The following SNCAIP variants were observed in gnomAD, a reference collection of about 807,000 sequenced individuals.
The protein encoded by SNCAIP is synuclein alpha interacting protein.
In SNCAIP, 43 loss-of-function variants were observed where a neutral mutation model predicts 86.7. The observed-to-expected ratio is 0.50, with a 90% CI of 0.39 to 0.64. SNCAIP has a LOEUF of 0.64. SNCAIP is among the 30% of genes least tolerant of loss of function. The pLI, the probability that SNCAIP is intolerant of heterozygous loss-of-function variation, is 0.00. For synonymous variants in SNCAIP, 417 were observed against 427.2 expected, an observed-to-expected ratio of 0.98 and a Z score of 0.29; for missense variants, 981 against 1,103.1, an observed-to-expected ratio of 0.89 and a Z score of 1.57.
rs536966644 is a variant in SNCAIP at position 122,405,783 on chromosome 5, A to G, written c.130+1918A>G. Among the ~76,000 whole-genome samples, 6 of 152,376 alleles carry G rather than the reference A, an allele frequency of 3.9e-5. No individual in the cohort carries two copies. In the South Asian group the frequency reaches 1.2e-3, roughly 32 times the overall value. On this transcript the variant is annotated intron_variant, in intron 3 of 10. Transcript: ENST00000261368. ...CTCTTACCAAGTTAAGTGAATAAAC[A>G]GAAACTTTTAGTTTTTCCCAGGGCT...
chr5:122,434,438 C>A (rs759100159), intron 6 of SNCAIP, among the ~76,000 whole-genome samples: 9 of 152,078 alleles, frequency 5.9e-5, no homozygotes, highest in Admixed American at 2.6e-4. Flanking sequence ...TGGGACTGAA[C>A]AAAATAAAGT....
chr5:122,322,351 T>A lies in SNCAIP; in HGVS notation c.-47+10067T>A, dbSNP rs370934578. 2.3e-3 allele frequency among the ~76,000 whole-genome samples: 348 copies of A among 152,328 alleles called. 3 individuals carry two copies. The highest frequency in any genetic ancestry group is 3.3e-3 in the Non-Finnish European group (222 of 68,026). On this transcript the variant is annotated intron_variant, in intron 1 of 10. Transcript: ENST00000261368. Reference sequence around the variant, plus strand: ...AAAGATTGGTACTTCCATAAAACCATACTAACCACATATTCAAATAAATTC... The same window carrying A: ...AAAGATTGGTACTTCCATAAAACCAAACTAACCACATATTCAAATAAATTC...
At chr5:122,318,387 C>T (rs930133907) in intron 1 of SNCAIP, among the ~76,000 whole-genome samples, 7 of 152,250 alleles carry the variant, frequency 4.6e-5, no homozygotes, top group Admixed American at 2.0e-4. Context: ...TCCTGTGGTA[C>T]GTATGGCGTT....
At chr5:122,455,910 T>A (rs1784638603) in intron 10 of SNCAIP, among the ~76,000 whole-genome samples, 1 of 152,192 alleles carries the variant, frequency 6.6e-6, no homozygotes, top group South Asian at 2.1e-4. Context: ...AACAAGCAGA[T>A]TTATCTTTAC....
At chr5:122,337,569 C>T (rs1018791475) in intron 1 of SNCAIP, among the ~76,000 whole-genome samples, 3 of 152,086 alleles carry the variant, frequency 2.0e-5, no homozygotes, top group African/African-American at 4.8e-5. Context: ...GGTGGAGTCT[C>T]GCCCTGTCAC....
chr5:122,451,410 G>T lies in SNCAIP; in HGVS notation c.2563G>T (p.Asp855Tyr). ...GACCTCCACAAGTAACGAATCGGGG[G>T]ATCAACTGAAAAGGCCTTTTGGAGC... is the stretch of plus-strand genomic sequence containing the variant. ...QRTSTSNESG[D>Y]QLKRPFGAFR... Residue 855 changes from aspartate to tyrosine, a missense_variant, in exon 10 of 11, where the codon GAT (aspartate) becomes TAT (tyrosine). Transcript: ENST00000261368. 6.2e-7 allele frequency: 1 copy of T among 1,614,094 alleles called. No individual in the cohort carries two copies. Among genetic ancestry groups the T allele is most frequent in the Non-Finnish European group, 8.5e-7 (1 of 1,180,016 alleles).
chr5:122,433,252 T>G (rs1029997188), intron 6 of SNCAIP, among the ~76,000 whole-genome samples: 4 of 152,112 alleles, frequency 2.6e-5, no homozygotes, highest in Non-Finnish European at 5.9e-5. Flanking sequence ...GTGTACATTC[T>G]CTCATTTATT....
At chr5:122,457,291 C>T (rs1426757643) in intron 10 of SNCAIP, among the ~76,000 whole-genome samples, 1 of 152,218 alleles carries the variant, frequency 6.6e-6, no homozygotes, top group Non-Finnish European at 1.5e-5. Flanking sequence ...GTGTGAGCCA[C>T]TGCAACCAGC....
At chr5:122,430,760 A>G (rs548466762) in intron 5 of SNCAIP, among the ~76,000 whole-genome samples, 1 of 152,170 alleles carries the variant, frequency 6.6e-6, no homozygotes, top group South Asian at 2.1e-4. Flanking sequence ...TTATGAGGGT[A>G]AAAAATACTC....
intron 1 of SNCAIP, among the ~76,000 whole-genome samples, chr5:122,354,117 T>C (rs746753316): frequency 3.9e-5 from 6 of 152,204 alleles, no homozygotes; most frequent in Non-Finnish European, 7.3e-5. Flanking sequence ...CCTCACAGTT[T>C]AGAATTCAAG....
At chr5:122,422,040 G>A (rs1226357080) in intron 3 of SNCAIP, among the ~76,000 whole-genome samples, 1 of 146,464 alleles carries the variant, frequency 6.8e-6, no homozygotes, top group Non-Finnish European at 1.5e-5. Flanking sequence ...CACTCTGCCT[G>A]ACCCATTTTC....
chr5:122,448,171 A>T (rs925829174), intron 8 of SNCAIP, among the ~76,000 whole-genome samples: 3 of 152,206 alleles, frequency 2.0e-5, no homozygotes, highest in South Asian at 4.1e-4. Context: ...TCTGAAGTAC[A>T]GCAGTCATTT....
chr5:122,446,046 C>T (rs1043480380), intron 8 of SNCAIP, among the ~76,000 whole-genome samples: 2 of 151,970 alleles, frequency 1.3e-5, no homozygotes, highest in Non-Finnish European at 2.9e-5. Context: ...TTACACAAAA[C>T]TTCCCCAAGT....
chr5:122,452,934 A>G, intron 10 of SNCAIP: 4 of 1,547,426 alleles, frequency 2.6e-6, no homozygotes, highest in Non-Finnish European at 3.5e-6. Flanking sequence ...GGAAATGTAC[A>G]GCAGCTGCAT....
intron 1 of SNCAIP, among the ~76,000 whole-genome samples, chr5:122,313,132 C>G (rs1750976315): frequency 6.6e-6 from 1 of 152,220 alleles, no homozygotes; most frequent in African/African-American, 2.4e-5. Flanking sequence ...TGCTCATTTT[C>G]AATGGACGGC....
At chr5:122,367,020 T>C (rs1006962409) in intron 1 of SNCAIP, among the ~76,000 whole-genome samples, 5 of 152,114 alleles carry the variant, frequency 3.3e-5, no homozygotes, top group African/African-American at 1.2e-4. Flanking sequence ...GACAGGATGA[T>C]TGGATGTACA....
At chr5:122,376,431 C>G (rs1765342881) in intron 1 of SNCAIP, among the ~76,000 whole-genome samples, 1 of 152,118 alleles carries the variant, frequency 6.6e-6, no homozygotes, top group African/African-American at 2.4e-5. Flanking sequence ...AGTAAGGGCT[C>G]CAGTTCCCAG....
Position 122,450,885 on chromosome 5 carries a change from A to G in SNCAIP, c.2038A>G (p.Thr680Ala), listed in dbSNP as rs761536084. 3 of 1,613,722 alleles carry G rather than the reference A, an allele frequency of 1.9e-6. No homozygotes were observed. The highest frequency in any genetic ancestry group is 2.5e-6 in the Non-Finnish European group (3 of 1,179,616). Residue 680 changes from threonine to alanine, a missense_variant, in exon 10 of 11, where the codon ACA (threonine) becomes GCA (alanine). Transcript: ENST00000261368. The stretch of plus-strand genomic sequence containing the variant: ...GCAGAGGTCACTGAGTGAGTCTGAC[A>G]CAGACTCCAACAACTCTGAGGACCC... ...LMQRSLSESDTDSNNSEDPKT... is the reference protein window; with the variant it reads ...LMQRSLSESDADSNNSEDPKT...
chr5:122,453,670 T>G (rs187939076), intron 10 of SNCAIP, among the ~76,000 whole-genome samples: 1 of 152,334 alleles, frequency 6.6e-6, no homozygotes, highest in Non-Finnish European at 1.5e-5. Context: ...CAACATAGCT[T>G]TCATCTCCCT....
Sources: gnomAD v4.1 joint callset for allele counts (sites outside exome capture counted in the v4.1 genomes callset) on GRCh38, gnomAD v4.1.1 for gene constraint, MANE v1.5 for transcripts, NCBI Gene and HGNC (gene_info 2026-07-23, HGNC 2026-07-21) for gene names.